IQCJ: variants seen among roughly 807,000 people sequenced by gnomAD.
IQCJ encodes the protein IQ motif containing J.
Under a neutral mutation model 11.0 loss-of-function variants are expected in IQCJ, and 9 were observed. The ratio of observed to expected loss-of-function variants is 0.82; its 90% CI spans 0.49 to 1.43. The LOEUF (loss-of-function observed/expected upper bound fraction) is 1.43. Among genes scored for constraint, IQCJ ranks in the 40% most tolerant of loss-of-function variants. The pLI, the probability that IQCJ is intolerant of heterozygous loss-of-function variation, is 0.00. For synonymous variants in IQCJ, 55 were observed against 51.3 expected (o/e 1.07, Z -0.31); for missense variants, 146 against 133.2 (o/e 1.10, Z -0.47).
intron 1 of IQCJ, among the ~76,000 whole-genome samples, chr3:159,174,854 G>T (rs964417231): frequency 6.6e-6 from 1 of 151,050 alleles, no homozygotes; most frequent in African/African-American, 2.4e-5. Flanking sequence ...ATACATTCTT[G>T]TACATATCTC....
intron 1 of IQCJ, among the ~76,000 whole-genome samples, chr3:159,187,207 A>G (rs1328081939): frequency 6.6e-6 from 1 of 152,246 alleles, no homozygotes; most frequent in African/African-American, 2.4e-5. Flanking sequence ...GAATGAATAT[A>G]GGGTGAACAG....
intron 1 of IQCJ, among the ~76,000 whole-genome samples, chr3:159,244,827 G>A (rs1456760733): frequency 6.6e-6 from 1 of 152,138 alleles, no homozygotes; most frequent in Non-Finnish European, 1.5e-5. Flanking sequence ...TCTTTTGGAT[G>A]TAATTGAATA....
At chr3:159,155,324 A>T (rs1344945946) in intron 1 of IQCJ, among the ~76,000 whole-genome samples, 1 of 141,224 alleles carries the variant, frequency 7.1e-6, no homozygotes, top group Non-Finnish European at 1.6e-5. Context: ...CACCTGACTA[A>T]CTGTTGTATT....
chr3:159,127,176 A>T (rs1331251540), intron 1 of IQCJ, among the ~76,000 whole-genome samples: 1 of 152,248 alleles, frequency 6.6e-6, no homozygotes, highest in Non-Finnish European at 1.5e-5. Flanking sequence ...ATCATAGCCA[A>T]GTGAATGTGA....
chr3:159,231,999 T>C (rs1726279790), intron 1 of IQCJ, among the ~76,000 whole-genome samples: 2 of 152,298 alleles, frequency 1.3e-5, no homozygotes, highest in African/African-American at 4.8e-5. Flanking sequence ...TTTTTTATTA[T>C]GTCTATTTGA....
At chr3:159,195,492 A>G (rs1291707589) in intron 1 of IQCJ, among the ~76,000 whole-genome samples, 1 of 152,186 alleles carries the variant, frequency 6.6e-6, no homozygotes, top group African/African-American at 2.4e-5. Context: ...GTAAGCTTAA[A>G]TGGTTCAGTG....
chr3:159,236,924 A>C (rs897480816), intron 1 of IQCJ, among the ~76,000 whole-genome samples: 2 of 152,216 alleles, frequency 1.3e-5, no homozygotes, highest in Non-Finnish European at 2.9e-5. Flanking sequence ...CAAAAGCATC[A>C]AAAGTGATTT....
At chr3:159,089,386 C>A (rs1430442866) in intron 1 of IQCJ, among the ~76,000 whole-genome samples, 1 of 152,042 alleles carries the variant, frequency 6.6e-6, no homozygotes, top group African/African-American at 2.4e-5. Context: ...GTGAATCTGA[C>A]AATTATGTGT....
At chr3:159,213,401 T>C (rs1725057696) in intron 1 of IQCJ, among the ~76,000 whole-genome samples, 2 of 152,190 alleles carry the variant, frequency 1.3e-5, no homozygotes, top group African/African-American at 4.8e-5. Flanking sequence ...TTGGACAAGG[T>C]GTTTGGCCTT....
Position 159,262,602 on chromosome 3 carries a change from G to A in IQCJ, c.210G>A (p.Arg70=), listed in dbSNP as rs1026776737. 1.2e-6 allele frequency: 2 copies of A among 1,613,838 alleles called. No individual in the cohort carries two copies. The highest frequency in any genetic ancestry group is 1.7e-6 in the Non-Finnish European group (2 of 1,179,874). ...AGCGGCAGGAGCCCCTGGGGAAGAGGAGCCCGTCCCCACCCTCTGTCTCCT... is the reference window on the plus strand; with the variant it reads ...AGCGGCAGGAGCCCCTGGGGAAGAGAAGCCCGTCCCCACCCTCTGTCTCCT... ...YLQRQEPLGK[R]SPSPPSVSSE... is the part of the protein sequence containing the mutation. The change falls in exon 4 of 4, where the codon AGG becomes AGA. Residue 70 remains arginine (R), a synonymous_variant. Transcript: ENST00000397832.
At chr3:159,183,768 C>G (rs1254322670) in intron 1 of IQCJ, among the ~76,000 whole-genome samples, 3 of 152,176 alleles carry the variant, frequency 2.0e-5, no homozygotes, top group South Asian at 4.1e-4. Flanking sequence ...AGACATTACA[C>G]TACTATCCAT....
chr3:159,174,759 T>G (rs73877515), intron 1 of IQCJ, among the ~76,000 whole-genome samples: 3,183 of 152,318 alleles, frequency 0.021, 112 homozygotes, highest in African/African-American at 0.074. Flanking sequence ...TCTCAAAATT[T>G]ACAAATGTGA....
At chr3:159,265,882 A>C (rs1221207116), downstream of IQCJ, 2 of 153,828 alleles carry the variant, frequency 1.3e-5, no homozygotes, top group East Asian at 3.8e-4. Context: ...TCAGCTCACT[A>C]ATCTGGTTGA....
At chr3:159,250,663 G>T (rs189421955) in intron 2 of IQCJ, among the ~76,000 whole-genome samples, 1 of 152,166 alleles carries the variant, frequency 6.6e-6, no homozygotes, top group African/African-American at 2.4e-5. Flanking sequence ...ATCAGATCTT[G>T]TGAGAACTCA....
chr3:159,150,181 C>T (rs1721128574), intron 1 of IQCJ, among the ~76,000 whole-genome samples: 1 of 152,132 alleles, frequency 6.6e-6, no homozygotes, highest in Admixed American at 6.5e-5. Flanking sequence ...CAAGTAGTCT[C>T]TTGGAAAGTG....
chr3:159,111,259 C>G (rs920157202), intron 1 of IQCJ, among the ~76,000 whole-genome samples: 1 of 152,072 alleles, frequency 6.6e-6, no homozygotes, highest in Admixed American at 6.6e-5. Flanking sequence ...GTTCCAGTAT[C>G]GAAATGATTT....
intron 1 of IQCJ, among the ~76,000 whole-genome samples, chr3:159,158,022 C>T (rs929602961): frequency 1.3e-5 from 2 of 152,060 alleles, no homozygotes; most frequent in Non-Finnish European, 2.9e-5. Flanking sequence ...TTTTGTGCAC[C>T]TGTGCAAGTA....
At chr3:159,226,226 G>A (rs1299225223) in intron 1 of IQCJ, among the ~76,000 whole-genome samples, 1 of 152,108 alleles carries the variant, frequency 6.6e-6, no homozygotes, top group African/African-American at 2.4e-5. Flanking sequence ...CCAGAGGTCT[G>A]GGGTGGGCTG....
intron 1 of IQCJ, among the ~76,000 whole-genome samples, chr3:159,103,331 T>G (rs575062055): frequency 1.3e-5 from 2 of 152,330 alleles, no homozygotes; most frequent in East Asian, 3.9e-4. Flanking sequence ...TGTAGGTAAA[T>G]TGACTTGACT....
Sources: allele counts gnomAD v4.1 joint callset (sites outside exome capture counted in the v4.1 genomes callset), GRCh38; gene constraint gnomAD v4.1.1; transcripts MANE v1.5; gene names NCBI Gene and HGNC (gene_info 2026-07-23, HGNC 2026-07-21).